Variants in RBM19 observed in about 807,000 individuals in gnomAD.
The protein encoded by RBM19 is probable RNA-binding protein 19.
Under a neutral mutation model 116.8 loss-of-function variants are expected in RBM19, and 94 were observed. The ratio of observed to expected loss-of-function variants is 0.80; its 90% CI spans 0.68 to 0.95. The LOEUF is 0.95. RBM19 is among the 40% of genes least tolerant of loss of function. The pLI is 0.00. For synonymous variants in RBM19, 475 were observed against 494.1 expected (o/e 0.96, Z 0.51); for missense variants, 1,161 against 1,220.7 (o/e 0.95, Z 0.73).
At chr12:113,887,726 A>G (rs545744666) in intron 21 of RBM19, among the ~76,000 whole-genome samples, 10 of 151,514 alleles carry the variant, frequency 6.6e-5, no homozygotes, top group African/African-American at 2.2e-4. Flanking sequence ...CAGGCACCCA[A>G]CCTTTTTGTG....
In RBM19 at chr12:113,838,380, G is replaced by C. The variant is rs142701272; in HGVS notation, c.2785+6288C>G. Among the ~76,000 whole-genome samples, 475 of 152,292 alleles carry C rather than the reference G, an allele frequency of 3.1e-3. 6 individuals carry two copies. The highest frequency in any genetic ancestry group is 0.013 in the Admixed American group (192 of 15,298). ...GGAGAGCATGCAAACTCCACAGGAT[G>C]AGCATGCAAACTCCATGGGGAGAAC... is the stretch of plus-strand genomic sequence containing the variant. On this transcript the variant is annotated intron_variant, in intron 23 of 23. Coordinates refer to ENST00000261741, the MANE Select transcript of RBM19 (RefSeq NM_016196.4).
chr12:113,879,835 T>C lies in RBM19; in HGVS notation c.2559-20939A>G, dbSNP rs965685540. On this transcript the variant is annotated intron_variant, in intron 21 of 23. Coordinates refer to ENST00000261741, the MANE Select transcript of RBM19 (RefSeq NM_016196.4). Reference sequence around the variant, plus strand: ...CCACCCCAGCTTGTACATGGCTCCATTTGTCCTTTTCCCAGATGCCCAATG... The same window carrying C: ...CCACCCCAGCTTGTACATGGCTCCACTTGTCCTTTTCCCAGATGCCCAATG... Among the ~76,000 whole-genome samples, 5 of 152,156 alleles carry C rather than the reference T, an allele frequency of 3.3e-5. No homozygotes were observed. In the South Asian group the frequency reaches 1.0e-3, roughly 32 times the overall value.
chr12:113,960,875 C>T lies in RBM19; in HGVS notation c.220-697G>A, dbSNP rs1207632685. 3.9e-5 allele frequency among the ~76,000 whole-genome samples: 6 copies of T among 152,328 alleles called. No homozygotes were observed. The South Asian group carries it at 1.2e-3, about 32-fold the overall frequency. ...ACCCAGCCTGAGCTGACGCACTATT[C>T]AGGCCCTAAAACCTCCAATACACTC... On this transcript the variant is annotated intron_variant, in intron 2 of 23. Transcript: ENST00000261741.
chr12:113,945,322 C>T (rs1870921691), intron 13 of RBM19, among the ~76,000 whole-genome samples: 1 of 152,208 alleles, frequency 6.6e-6, no homozygotes, highest in African/African-American at 2.4e-5. Context: ...CAGCGACCCC[C>T]TCCTCTGGCT....
At chr12:113,834,893 A>G (rs1046375541) in intron 23 of RBM19, among the ~76,000 whole-genome samples, 1 of 152,242 alleles carries the variant, frequency 6.6e-6, no homozygotes, top group African/African-American at 2.4e-5. Flanking sequence ...TGAGCCTGAA[A>G]TGAGACTGAG....
chr12:113,857,729 G>A (rs1176048397), intron 22 of RBM19, among the ~76,000 whole-genome samples: 6 of 152,222 alleles, frequency 3.9e-5, no homozygotes, highest in Admixed American at 1.3e-4. Context: ...GTCCCCATGC[G>A]CCTTCTCTGC....
intron 15 of RBM19, among the ~76,000 whole-genome samples, chr12:113,938,318 C>A (rs1566028700): frequency 1.3e-5 from 2 of 152,060 alleles, no homozygotes; most frequent in Non-Finnish European, 2.9e-5. Context: ...AGCTTAGTGG[C>A]CACAGAGTCC....
At chr12:113,893,970 AGCGCAG>A (rs1437291475) in intron 21 of RBM19, among the ~76,000 whole-genome samples, 8 of 151,534 alleles carry the variant, frequency 5.3e-5, no homozygotes, top group Admixed American at 3.9e-4. Flanking sequence ...CAACAGTCAG[AGCGCAG>A]GCGAGCAAGG....
intron 16 of RBM19, among the ~76,000 whole-genome samples, chr12:113,928,096 G>A (rs963067591): frequency 6.6e-6 from 1 of 152,176 alleles, no homozygotes. Context: ...CAGCACTCTG[G>A]GAGGCGGAGG....
intron 21 of RBM19, among the ~76,000 whole-genome samples, chr12:113,872,475 TGGGG>T: frequency 1.7e-5 from 2 of 116,670 alleles, no homozygotes; most frequent in African/African-American, 6.4e-5. Flanking sequence ...TACTGGGAGG[TGGGG>T]AGCCCCTCTG....
At chr12:113,947,548 C>A in intron 10 of RBM19, 84 bp from the exon 11 acceptor site, 1 of 1,429,358 alleles carries the variant, frequency 7.0e-7, no homozygotes, top group Non-Finnish European at 9.5e-7. Flanking sequence ...AGCTGTGAGC[C>A]AACCTCACAG....
chr12:113,832,481 CT>C (rs1875514427), intron 23 of RBM19, among the ~76,000 whole-genome samples: 1 of 152,206 alleles, frequency 6.6e-6, no homozygotes, highest in African/African-American at 2.4e-5. Flanking sequence ...TGAGCCGCCA[CT>C]TTTGGCTGTA....
In RBM19 at chr12:113,883,252, C is replaced by T. The variant is rs549236198; in HGVS notation, c.2559-24356G>A. Among the ~76,000 whole-genome samples, 3 of 152,356 alleles carry T rather than the reference C, an allele frequency of 2.0e-5. No homozygotes were observed. The South Asian group carries it at 6.2e-4, about 32-fold the overall frequency. ...TAGGAAATGGTGAACAGACTGATTG[C>T]AGGTGGTGTTCTGGACAACGCAGCC... On this transcript the variant is annotated intron_variant, in intron 21 of 23. Transcript: ENST00000261741.
At chr12:113,821,850 G>A (rs1404491754), downstream of RBM19, among the ~76,000 whole-genome samples, 1 of 152,176 alleles carries the variant, frequency 6.6e-6, no homozygotes, top group Admixed American at 6.5e-5. Context: ...TGCCCTAGAG[G>A]ACACGAGGCG....
At chr12:113,887,959 T>C (rs1880661097) in intron 21 of RBM19, among the ~76,000 whole-genome samples, 2 of 152,176 alleles carry the variant, frequency 1.3e-5, no homozygotes, top group Admixed American at 1.3e-4. Context: ...TGGGCTCAAC[T>C]GATCCTCCTG....
At chr12:113,843,797 C>T (rs1041587315) in intron 23 of RBM19, among the ~76,000 whole-genome samples, 3 of 152,206 alleles carry the variant, frequency 2.0e-5, no homozygotes, top group Non-Finnish European at 4.4e-5. Context: ...CCTGACTGAA[C>T]ACAACCTCTT....
intron 16 of RBM19, among the ~76,000 whole-genome samples, chr12:113,936,602 T>C (rs1870087673): frequency 6.6e-6 from 1 of 152,216 alleles, no homozygotes; most frequent in African/African-American, 2.4e-5. Context: ...TTCCCCTTCC[T>C]TTCCTGTCTT....
chr12:113,920,786 T>A, intron 18 of RBM19, 96 bp from the exon 19 acceptor site: 4 of 1,081,826 alleles, frequency 3.7e-6, no homozygotes, highest in Non-Finnish European at 5.6e-6. Context: ...GCGCTGTATT[T>A]CCTCTTCTTT....
chr12:113,884,571 C>T (rs1270237184), intron 21 of RBM19, among the ~76,000 whole-genome samples: 2 of 152,146 alleles, frequency 1.3e-5, no homozygotes, highest in African/African-American at 2.4e-5. Context: ...TTGGGAAACT[C>T]CGTACTGGAG....
Sources: allele counts gnomAD v4.1 joint callset (sites outside exome capture counted in the v4.1 genomes callset), GRCh38; gene constraint gnomAD v4.1.1; transcripts MANE v1.5; gene names NCBI Gene and HGNC (gene_info 2026-07-23, HGNC 2026-07-21).